TRIM40: variants seen among roughly 807,000 people sequenced by gnomAD.
TRIM40 encodes the protein tripartite motif containing 40, also known as E3 ubiquitin ligase TRIM40.
In TRIM40, 27 loss-of-function variants were observed where a neutral mutation model predicts 26.1. The observed-to-expected ratio is 1.04, with a 90% confidence interval of 0.76 to 1.43. The LOEUF (loss-of-function observed/expected upper bound fraction) is 1.43. Among genes scored for constraint, TRIM40 ranks in the 40% most tolerant of loss-of-function variants. The pLI is 0.00. For synonymous variants in TRIM40, 114 were observed against 120.0 expected (o/e 0.95, Z 0.33); for missense variants, 289 against 307.9 (o/e 0.94, Z 0.46).
chr6:30,147,540 C>T lies in TRIM40; in HGVS notation c.687C>T (p.Asn229=). The change falls in exon 5 of 6, where the codon AAC becomes AAT. Residue 229 remains asparagine, a splice_region_variant and synonymous_variant. Transcript: ENST00000396581. ...CCTAGAATGCTGGTGACTTACTGAA[C>T]AGGTACGAGCTGTCCCTTCTTCTTT... is the stretch of plus-strand genomic sequence containing the variant. The part of the protein sequence containing the change: ...NTLKNAGDLL[N]RSAPQKLEVI... The T allele has an allele frequency of 3.1e-6, 5 of 1,614,170 alleles. No homozygotes were observed. The highest frequency in any genetic ancestry group is 4.2e-6 in the Non-Finnish European group (5 of 1,180,034).
chr6:30,145,864 A>T, intron 2 of TRIM40, 130 bp from the exon 3 acceptor site: 1 of 671,058 alleles, frequency 1.5e-6, no homozygotes, highest in South Asian at 1.8e-5. Flanking sequence ...CTCTAAAAGC[A>T]TTTCTTTTTA....
Position 30,147,590 on chromosome 6 carries a change from C to T in TRIM40, c.689+48C>T, listed in dbSNP as rs1211628416. On this transcript the variant is annotated intron_variant, in intron 5 of 5. Coordinates refer to ENST00000396581, the MANE Select transcript of TRIM40 (RefSeq NM_001286633.2). ...TCCCACATGTGCATATAAACCCACACAACACAGACATGCACAGAGGTCAAG... is the reference window on the plus strand; with the variant it reads ...TCCCACATGTGCATATAAACCCACATAACACAGACATGCACAGAGGTCAAG... 3.7e-6 allele frequency: 6 copies of T among 1,613,930 alleles called. No individual in the cohort carries two copies. In the Admixed American group the frequency reaches 1.0e-4, roughly 27 times the overall value.
In TRIM40 at chr6:30,148,540, AG is replaced by A. The variant is rs1011628193; in HGVS notation, c.*729del. 2 of 152,234 alleles carry A rather than the reference AG, an allele frequency of 1.3e-5. No individual in the cohort carries two copies. The highest frequency in any genetic ancestry group is 2.9e-5 in the Non-Finnish European group (2 of 68,080). 9.4% of individuals were successfully genotyped at this position (152,234 alleles called of 1,614,324 possible). A position where few individuals can be genotyped will look rare whatever the true frequency, so the allele number is the denominator to read the frequency against. ...AGAGGCCCTCAGTCTTGTGGCTGCA[AG>A]AACCTGAATTCTGCCAACAACCCGA... is the stretch of plus-strand genomic sequence containing the variant. On this transcript the variant is annotated 3_prime_UTR_variant, in exon 6 of 6. Transcript: ENST00000396581.
At chr6:30,144,587 T>G (rs1771538408) in intron 2 of TRIM40, among the ~76,000 whole-genome samples, 1 of 152,234 alleles carries the variant, frequency 6.6e-6, no homozygotes, top group Non-Finnish European at 1.5e-5. Context: ...AAAGAAGCAG[T>G]GGCAGAAGGC....
chr6:30,147,068 T>G lies in TRIM40; in HGVS notation c.525T>G (p.Pro175=), dbSNP rs4959012. ...HQTREQLGAL[P]QQWLGQLEHM... ...CCAGGGAACAGCTGGGTGCCCTCCC[T>G]CAGCAGTGGCTGGGCCAGCTGGAGC... is the stretch of plus-strand genomic sequence containing the variant. The change falls in exon 4 of 6, where the codon CCT becomes CCG. Residue 175 remains proline (P), a synonymous_variant. Transcript: ENST00000396581. The G allele has an allele frequency of 1.2e-4, 195 of 1,613,700 alleles. No individual in the cohort carries two copies. The highest frequency in any genetic ancestry group is 1.7e-4 in the Admixed American group (10 of 59,966).
rs1562101523 is a variant in TRIM40, at chr6:30,147,769, A to C, written c.734A>C (p.Lys245Thr). ...KLEVIYPQLE[K>T]GVSELLLQPP... is the part of the protein sequence containing the mutation. ...GAGGTTATTTATCCCCAGTTGGAGA[A>C]AGGAGTCAGTGAATTGCTTCTTCAG... The change falls in exon 6 of 6, where the codon AAA (lysine) becomes ACA (threonine). Residue 245 changes from lysine (K) to threonine (T), a missense_variant. Lys to Thr is a moderately conservative substitution (Grantham distance 78, BLOSUM62 -1). Coordinates refer to ENST00000396581, the MANE Select transcript of TRIM40 (RefSeq NM_001286633.2). 1 of 1,614,186 alleles carries C rather than the reference A, an allele frequency of 6.2e-7. No individual in the cohort carries two copies. The highest frequency in any genetic ancestry group is 2.2e-5 in the East Asian group (1 of 44,888).
intron 2 of TRIM40, among the ~76,000 whole-genome samples, chr6:30,141,061 C>A (rs544390026): frequency 6.6e-6 from 1 of 152,054 alleles, no homozygotes; most frequent in Non-Finnish European, 1.5e-5. Flanking sequence ...GTGGGAGGAT[C>A]GCTTGAGCCC....
intron 2 of TRIM40, 132 bp downstream of exon 2, chr6:30,137,513 T>A: frequency 1.3e-6 from 1 of 787,278 alleles, no homozygotes; most frequent in East Asian, 2.6e-5. Context: ...TGCTTCATCC[T>A]GTTTTGGACC....
chr6:30,143,439 T>C (rs1319666659), intron 2 of TRIM40, among the ~76,000 whole-genome samples: 1 of 151,530 alleles, frequency 6.6e-6, no homozygotes, highest in Non-Finnish European at 1.5e-5. Flanking sequence ...TTCTTTTTTT[T>C]TTTTTTTTTC....
intron 3 of TRIM40, among the ~76,000 whole-genome samples, chr6:30,146,612 C>T (rs558597018): frequency 4.0e-4 from 61 of 152,182 alleles, no homozygotes; most frequent in African/African-American, 1.3e-3. Flanking sequence ...GGGGTTTCAC[C>T]ATGTTAGCCA....
chr6:30,147,374 A>G, intron 4 of TRIM40, 146 bp from the exon 5 acceptor site: 1 of 1,375,598 alleles, frequency 7.3e-7, no homozygotes, highest in Non-Finnish European at 1.0e-6. Context: ...CTGCAGCAGA[A>G]TGGGCACAGA....
intron 4 of TRIM40, 102 bp downstream of exon 4, chr6:30,147,311 T>A: frequency 7.0e-7 from 1 of 1,428,404 alleles, no homozygotes; most frequent in Non-Finnish European, 9.8e-7. Flanking sequence ...GGGGCCTGTG[T>A]GATATGTGGT....
At chr6:30,145,763 C>T (rs1364254596) in intron 2 of TRIM40, among the ~76,000 whole-genome samples, 1 of 152,194 alleles carries the variant, frequency 6.6e-6, no homozygotes, top group African/African-American at 2.4e-5. Context: ...TTTTTCTGTA[C>T]TTCTAAGACT....
rs1461539931 is a variant in TRIM40, at chr6:30,148,220, G to A, written c.*408G>A. ...ACATGTGGAGCCCAGCTGAGTTCCT[G>A]CAGTACTTGTTGTCTGTACCACTCA... On this transcript the variant is annotated 3_prime_UTR_variant, in exon 6 of 6. Coordinates refer to ENST00000396581, the MANE Select transcript of TRIM40 (RefSeq NM_001286633.2). 1 of 236,146 alleles carries A rather than the reference G, an allele frequency of 4.2e-6. No individual in the cohort carries two copies. The highest frequency in any genetic ancestry group is 2.2e-5 in the African/African-American group (1 of 45,290). 14.6% of individuals were successfully genotyped at this position (236,146 alleles called of 1,614,324 possible).
Position 30,147,156 on chromosome 6 carries a change from C to T in TRIM40, c.613C>T (p.Leu205=), listed in dbSNP as rs151221607. Residue 205 remains leucine, a synonymous_variant, in exon 4 of 6, where the codon CTG becomes TTG. Transcript: ENST00000396581. ...ISRAVTQLRS[L]VIDLERTAKE... ...CAGGGCAGTAACACAGCTCAGAAGC[C>T]TGGTCATTGATCTGGAAAGGACGGC... The T allele has an allele frequency of 3.8e-5, 61 of 1,614,234 alleles. No homozygotes were observed. The East Asian group carries it at 1.3e-3, about 35-fold the overall frequency.
chr6:30,147,353 A>C, intron 4 of TRIM40, 144 bp downstream of exon 4: 1 of 1,350,218 alleles, frequency 7.4e-7, no homozygotes, highest in Non-Finnish European at 1.0e-6. Context: ...GTTCCAGGCT[A>C]CAGAGTGCTG....
intron 2 of TRIM40, among the ~76,000 whole-genome samples, chr6:30,141,172 G>A (rs1243916861): frequency 6.6e-6 from 1 of 152,082 alleles, no homozygotes; most frequent in African/African-American, 2.4e-5. Flanking sequence ...AAAAGAACGT[G>A]ACAATTTGGG....
chr6:30,137,066 G>A lies in TRIM40; in HGVS notation c.30G>A (p.Glu10=). 1.2e-6 allele frequency: 2 copies of A among 1,613,036 alleles called. No homozygotes were observed. The highest frequency in any genetic ancestry group is 1.6e-4 in the Middle Eastern group (1 of 6,062). The change falls in exon 2 of 6, where the codon GAG becomes GAA. Residue 10 remains glutamate, a synonymous_variant. Transcript: ENST00000396581. MIPLQKDNQ[E]EGVCPICQES... ...TCCCTTTGCAGAAGGACAACCAGGA[G>A]GAGGGTGTCTGCCCCATCTGCCAGG...
At chr6:30,138,546 C>T (rs1194730123) in intron 2 of TRIM40, among the ~76,000 whole-genome samples, 4 of 152,152 alleles carry the variant, frequency 2.6e-5, no homozygotes, top group East Asian at 1.9e-4. Flanking sequence ...CTATGCTTGC[C>T]TATAAGCCAA....
Sources: allele counts gnomAD v4.1 joint callset (sites outside exome capture counted in the v4.1 genomes callset), GRCh38; gene constraint gnomAD v4.1.1; transcripts MANE v1.5; gene names NCBI Gene and HGNC (gene_info 2026-07-23, HGNC 2026-07-21).